The following MACROD2 variants were observed in gnomAD, a reference collection of about 807,000 sequenced individuals.
MACROD2 encodes ADP-ribose glycohydrolase MACROD2.
Under a neutral mutation model 70.4 loss-of-function variants are expected in MACROD2, and 36 were observed. The ratio of observed to expected loss-of-function variants is 0.51; its 90% CI spans 0.39 to 0.68. MACROD2 has a LOEUF of 0.68. Among genes scored for constraint, MACROD2 ranks in the 30% least tolerant of loss-of-function variants. The pLI is 0.00. For synonymous variants in MACROD2, 172 were observed against 178.8 expected (o/e 0.96, Z 0.30); for missense variants, 496 against 538.4 (o/e 0.92, Z 0.78).
intron 5 of MACROD2, among the ~76,000 whole-genome samples, chr20:15,127,254 C>T (rs3945928): frequency 6.6e-6 from 1 of 151,988 alleles, no homozygotes; most frequent in Non-Finnish European, 1.5e-5. Context: ...TAAATAAATG[C>T]TAGAAAGAAG....
chr20:14,325,230 A>C (rs1017700664), intron 3 of MACROD2: 1 of 182,212 alleles, frequency 5.5e-6, no homozygotes, highest in Non-Finnish European at 1.1e-5. Context: ...ATTCACTTTC[A>C]CAGTCAACAA....
Position 15,403,425 on chromosome 20 carries a change from AAGG to A in MACROD2, c.541-27966_541-27964del, listed in dbSNP as rs765788234. 4.6e-5 allele frequency among the ~76,000 whole-genome samples: 7 copies of A among 151,488 alleles called. No homozygotes were observed. The East Asian group carries it at 5.8e-4, about 13-fold the overall frequency. ...GAGAGAGAGAGAGAAAGAGAAGAAG[AAGG>A]AGGAGGAGGAGGACGAGGAGGAGGA... On this transcript the variant is annotated intron_variant, in intron 6 of 17. Coordinates refer to ENST00000684519, the MANE Select transcript of MACROD2 (RefSeq NM_001351661.2).
chr20:14,440,973 A>G (rs761404568), intron 3 of MACROD2, among the ~76,000 whole-genome samples: 25 of 152,302 alleles, frequency 1.6e-4, no homozygotes, highest in Middle Eastern at 3.4e-3. Flanking sequence ...CCCCTTTGCT[A>G]GATACCTTTG....
chr20:14,525,237 C>T (rs1168580408), intron 4 of MACROD2, among the ~76,000 whole-genome samples: 1 of 152,116 alleles, frequency 6.6e-6, no homozygotes, highest in African/African-American at 2.4e-5. Flanking sequence ...AGCTTAGTTC[C>T]TCAAGATTGC....
intron 3 of MACROD2, among the ~76,000 whole-genome samples, chr20:14,157,806 T>G (rs1347008268): frequency 1.3e-5 from 2 of 152,190 alleles, no homozygotes; most frequent in Non-Finnish European, 2.9e-5. Flanking sequence ...ATAGCCACAT[T>G]TTCTTTATCC....
chr20:14,608,847 C>G (rs532278515), intron 4 of MACROD2, among the ~76,000 whole-genome samples: 2 of 152,156 alleles, frequency 1.3e-5, no homozygotes, highest in South Asian at 4.2e-4. Context: ...GAAAATTTCT[C>G]TAAGGAGGTA....
At chr20:15,633,138 G>GT (rs1234802912) in intron 8 of MACROD2, among the ~76,000 whole-genome samples, 1 of 152,088 alleles carries the variant, frequency 6.6e-6, no homozygotes, top group Non-Finnish European at 1.5e-5. Context: ...TCTCATTGAT[G>GT]TTTTTTGTGG....
chr20:13,995,850 G>GGGGGGT lies in MACROD2; in HGVS notation c.46+41_46+42insGGGGGT. The GGGGGGT allele has an allele frequency of 2.0e-6, 1 of 505,084 alleles. No homozygotes were observed. Among genetic ancestry groups the GGGGGGT allele is most frequent in the Non-Finnish European group, 3.8e-6 (1 of 266,308 alleles). The allele number at this position is 505,084 out of a possible 1,614,324, so 31.3% of individuals were successfully genotyped here. On this transcript the variant is annotated intron_variant, in intron 1 of 17. Coordinates refer to ENST00000684519, the MANE Select transcript of MACROD2 (RefSeq NM_001351661.2). The surrounding 1 kb of genome is among the most constrained non-coding windows in gnomAD (Gnocchi z 4.3). The stretch of plus-strand genomic sequence containing the variant: ...AGTCCTGGGGGTGCGGGCGGTGGGG[G>GGGGGGT]TTAGGGTGGGGGCGGGGGTCAGGCT...
intron 8 of MACROD2, among the ~76,000 whole-genome samples, chr20:15,544,248 C>T (rs73897659): frequency 0.017 from 2,514 of 152,198 alleles, 66 homozygotes; most frequent in African/African-American, 0.057. Context: ...CTGGCTATGG[C>T]GTTAATAATA....
intron 5 of MACROD2, among the ~76,000 whole-genome samples, chr20:15,213,048 C>T (rs1383038900): frequency 3.9e-5 from 6 of 152,268 alleles, no homozygotes; most frequent in African/African-American, 7.2e-5. Context: ...TTGGAGATGT[C>T]GCCAGAGTTT....
chr20:15,198,405 AAGGC>A (rs1271856305), intron 5 of MACROD2, among the ~76,000 whole-genome samples: 1 of 152,202 alleles, frequency 6.6e-6, no homozygotes, highest in Non-Finnish European at 1.5e-5. Flanking sequence ...TGTTTATTAG[AAGGC>A]ATAATAAAAA....
intron 5 of MACROD2, among the ~76,000 whole-genome samples, chr20:15,113,723 CA>C (rs2075972160): frequency 6.7e-6 from 1 of 149,446 alleles, no homozygotes; most frequent in Admixed American, 6.7e-5. Context: ...AGGAGTTGAA[CA>C]AAAAACTTAA....
At chr20:15,290,051 C>T (rs2077527927) in intron 6 of MACROD2, among the ~76,000 whole-genome samples, 1 of 151,998 alleles carries the variant, frequency 6.6e-6, no homozygotes, top group South Asian at 2.1e-4. Context: ...CATAACATGA[C>T]AACAATAACA....
At chr20:15,961,101 G>C (rs887546328) in intron 12 of MACROD2, among the ~76,000 whole-genome samples, 1 of 152,126 alleles carries the variant, frequency 6.6e-6, no homozygotes, top group Admixed American at 6.6e-5. Flanking sequence ...AGAGCCACAC[G>C]ATGAGCCACT....
chr20:15,981,989 G>C (rs1183403573), intron 13 of MACROD2, among the ~76,000 whole-genome samples: 1 of 150,280 alleles, frequency 6.7e-6, no homozygotes, highest in Admixed American at 6.6e-5. Flanking sequence ...TTTTTTTGCT[G>C]TGTAATTTTT....
At chr20:15,876,895 G>T (rs2064683130) in intron 9 of MACROD2, among the ~76,000 whole-genome samples, 1 of 151,838 alleles carries the variant, frequency 6.6e-6, no homozygotes, top group Non-Finnish European at 1.5e-5. Context: ...TGTGTCTGTT[G>T]GTCAGCCACA....
chr20:14,781,741 C>A (rs2072303782), intron 5 of MACROD2, among the ~76,000 whole-genome samples: 1 of 151,660 alleles, frequency 6.6e-6, no homozygotes, highest in Non-Finnish European at 1.5e-5. Flanking sequence ...GAACCCATAT[C>A]AAGGAGCTTC....
At chr20:15,184,559 C>G (rs1403096844) in intron 5 of MACROD2, among the ~76,000 whole-genome samples, 1 of 152,176 alleles carries the variant, frequency 6.6e-6, no homozygotes, top group African/African-American at 2.4e-5. Context: ...TGGTTCTACC[C>G]TCCCAAGTCC....
At chr20:14,014,555 A>G (rs1352098486) in intron 2 of MACROD2, among the ~76,000 whole-genome samples, 1 of 152,180 alleles carries the variant, frequency 6.6e-6, no homozygotes, top group African/African-American at 2.4e-5. Context: ...CGATGAGAAT[A>G]AATTGGCAAC....
Sources: gnomAD v4.1 joint callset for allele counts (sites outside exome capture counted in the v4.1 genomes callset) on GRCh38, gnomAD v4.1.1 for gene constraint, Gnocchi (gnomAD v3.1) non-coding constraint, MANE v1.5 for transcripts, NCBI Gene and HGNC (gene_info 2026-07-23, HGNC 2026-07-21) for gene names.